Variants in RBM6 observed in about 807,000 individuals in gnomAD.
The protein encoded by RBM6 is RNA binding motif protein 6.
A neutral mutation model predicts 140.4 loss-of-function variants in RBM6; 23 were observed. The ratio of observed to expected loss-of-function variants is 0.16; its 90% CI spans 0.12 to 0.23. The LOEUF is 0.23. Ranked by LOEUF, RBM6 falls within the 10% of genes least tolerant of loss-of-function variation. The probability of loss-of-function intolerance (pLI) is 1.00; values close to 1 mark genes in which losing one functional copy is unlikely to be tolerated. For synonymous variants in RBM6, 439 were observed against 475.6 expected (o/e 0.92, Z 1.00); for missense variants, 1,139 against 1,386.7 (o/e 0.82, Z 2.84).
At chr3:50,049,412 C>CTA (rs1325215782) in intron 7 of RBM6, among the ~76,000 whole-genome samples, 1 of 152,068 alleles carries the variant, frequency 6.6e-6, no homozygotes, top group Non-Finnish European at 1.5e-5. Flanking sequence ...ACCCAGCCGG[C>CTA]TATACTCTTT....
chr3:49,949,023 G>A (rs1462229353), intron 1 of RBM6, among the ~76,000 whole-genome samples: 1 of 150,526 alleles, frequency 6.6e-6, no homozygotes, highest in African/African-American at 2.4e-5. Flanking sequence ...TAGAGATGGA[G>A]TTTCACTATA....
At chr3:49,998,142 C>T (rs1335984127) in intron 5 of RBM6, among the ~76,000 whole-genome samples, 1 of 152,132 alleles carries the variant, frequency 6.6e-6, no homozygotes, top group Non-Finnish European at 1.5e-5. Flanking sequence ...AGTCTAAAAT[C>T]AAAGTTTATT....
chr3:49,998,668 A>G lies in RBM6; in HGVS notation c.1484-772A>G, dbSNP rs551221287. Among the ~76,000 whole-genome samples the G allele has an allele frequency of 2.4e-4, 37 of 152,274 alleles. No homozygotes were observed. The East Asian group carries it at 5.8e-3, about 24-fold the overall frequency. ...AAGGTGAAGGGTATTTTATAGCTCT[A>G]ATGGTTTGTACAGTTCTTAAACATG... On this transcript the variant is annotated intron_variant, in intron 5 of 20. Coordinates refer to ENST00000266022, the MANE Select transcript of RBM6 (RefSeq NM_005777.3).
At chr3:50,046,467 T>C (rs2089228686) in intron 6 of RBM6, among the ~76,000 whole-genome samples, 1 of 150,304 alleles carries the variant, frequency 6.7e-6, no homozygotes, top group Non-Finnish European at 1.5e-5. Context: ...TAATCCCAGC[T>C]ACTCGGGAGG....
chr3:50,072,078 T>C (rs1203947516), intron 19 of RBM6, among the ~76,000 whole-genome samples: 8 of 102,520 alleles, frequency 7.8e-5, no homozygotes, highest in Non-Finnish European at 1.5e-4. Flanking sequence ...AGCAAGACTC[T>C]GTCTCAAAAA....
At chr3:50,038,715 C>T (rs2088690068) in intron 6 of RBM6, among the ~76,000 whole-genome samples, 1 of 152,118 alleles carries the variant, frequency 6.6e-6, no homozygotes, top group Non-Finnish European at 1.5e-5. Flanking sequence ...CACCTGTAGT[C>T]CCAACTACTC....
At chr3:49,995,289 G>A (rs2086031506) in intron 5 of RBM6, among the ~76,000 whole-genome samples, 5 of 152,102 alleles carry the variant, frequency 3.3e-5, no homozygotes, top group Admixed American at 3.3e-4. Flanking sequence ...AAGGAGGCCG[G>A]GTGCGGTGGC....
intron 8 of RBM6, among the ~76,000 whole-genome samples, chr3:50,055,363 G>A (rs2089659388): frequency 6.6e-6 from 1 of 152,168 alleles, no homozygotes; most frequent in Non-Finnish European, 1.5e-5. Context: ...CCAGGAGTCA[G>A]AGGTTGCAGT....
chr3:49,950,596 A>G (rs2083689297), intron 1 of RBM6, among the ~76,000 whole-genome samples: 1 of 152,104 alleles, frequency 6.6e-6, no homozygotes, highest in Non-Finnish European at 1.5e-5. Flanking sequence ...CTCTACTAAA[A>G]ATACAAAAAT....
At chr3:50,061,765 T>C (rs1390103476) in intron 14 of RBM6, 197 bp from the exon 15 acceptor site, 5 of 1,323,050 alleles carry the variant, frequency 3.8e-6, no homozygotes, top group Non-Finnish European at 5.0e-6. Context: ...ACAGTGTTGC[T>C]CTTGAAAAAG....
At chr3:50,003,293 G>T (rs1227806386) in intron 6 of RBM6, among the ~76,000 whole-genome samples, 1 of 138,000 alleles carries the variant, frequency 7.2e-6, no homozygotes, top group Admixed American at 7.6e-5. Flanking sequence ...TAAATAGTGA[G>T]ACCCTGTCTA....
intron 5 of RBM6, among the ~76,000 whole-genome samples, chr3:49,978,474 G>A (rs1462420679): frequency 2.0e-5 from 3 of 152,092 alleles, no homozygotes; most frequent in Non-Finnish European, 2.9e-5. Flanking sequence ...GAAGATTAAC[G>A]CCTCTTCGTT....
At chr3:50,068,663 T>A (rs2090193126) in intron 17 of RBM6, 27 bp from the exon 18 acceptor site, 1 of 1,605,920 alleles carries the variant, frequency 6.2e-7, no homozygotes. Flanking sequence ...CTTAGACCTA[T>A]ACTCATAGAA....
intron 6 of RBM6, among the ~76,000 whole-genome samples, chr3:50,038,254 C>T (rs2088664360): frequency 6.6e-6 from 1 of 152,082 alleles, no homozygotes; most frequent in Non-Finnish European, 1.5e-5. Flanking sequence ...TTGTGGGCCT[C>T]AGTCTGCTCT....
At chr3:50,046,649 A>C (rs1032041130) in intron 6 of RBM6, among the ~76,000 whole-genome samples, 2 of 151,312 alleles carry the variant, frequency 1.3e-5, no homozygotes, top group Non-Finnish European at 2.9e-5. Flanking sequence ...GTGGAGCTTG[A>C]TAGAGTGGTC....
At chr3:49,958,841 C>T (rs1316669726) in intron 1 of RBM6, among the ~76,000 whole-genome samples, 1 of 129,816 alleles carries the variant, frequency 7.7e-6, no homozygotes, top group Non-Finnish European at 1.6e-5. Flanking sequence ...GGCTGGAGTG[C>T]TGAGTGCCAT....
chr3:50,071,042 G>T (rs962767106), intron 19 of RBM6, among the ~76,000 whole-genome samples: 3 of 152,202 alleles, frequency 2.0e-5, no homozygotes, highest in Non-Finnish European at 4.4e-5. Context: ...GGTGTCAAGT[G>T]CAAGAAATAC....
intron 7 of RBM6, among the ~76,000 whole-genome samples, chr3:50,050,348 A>G (rs1160150962): frequency 2.6e-5 from 4 of 152,110 alleles, no homozygotes; most frequent in African/African-American, 9.7e-5. Context: ...CCTTTCACCT[A>G]GCATGTTTTC....
At chr3:50,054,261 G>C in intron 7 of RBM6, 74 bp from the exon 8 acceptor site, 1 of 1,202,280 alleles carries the variant, frequency 8.3e-7, no homozygotes, top group Admixed American at 1.8e-5. Flanking sequence ...ATTTTTGGGG[G>C]GTTTCACTTT....
Sources: gnomAD v4.1 joint callset for allele counts (sites outside exome capture counted in the v4.1 genomes callset) on GRCh38, gnomAD v4.1.1 for gene constraint, MANE v1.5 for transcripts, NCBI Gene and HGNC (gene_info 2026-07-23, HGNC 2026-07-21) for gene names.